The following GNAQ variants were observed in gnomAD, a reference collection of about 807,000 sequenced individuals.
The protein encoded by GNAQ is guanine nucleotide-binding protein G(q) subunit alpha.
Under a neutral mutation model 43.9 loss-of-function variants are expected in GNAQ, and 8 were observed. That is an observed-to-expected ratio of 0.18 (90% CI 0.11 to 0.33). GNAQ has a LOEUF of 0.33. Ranked by LOEUF, GNAQ falls within the 10% of genes least tolerant of loss-of-function variation. The pLI, the probability that GNAQ is intolerant of heterozygous loss-of-function variation, is 1.00. For missense variants in GNAQ, 158 were observed against 450.8 expected, an observed-to-expected ratio of 0.35 and a Z score of 5.88; for synonymous variants, 155 against 170.7, an observed-to-expected ratio of 0.91 and a Z score of 0.71.
chr9:77,786,429 T>C (rs183430275), intron 5 of GNAQ, among the ~76,000 whole-genome samples: 18 of 148,678 alleles, frequency 1.2e-4, no homozygotes, highest in African/African-American at 4.5e-4. Context: ...AACTAAGAGG[T>C]AGTGAAGAAT....
chr9:77,959,461 T>C (rs1344113531), intron 1 of GNAQ, among the ~76,000 whole-genome samples: 1 of 152,232 alleles, frequency 6.6e-6, no homozygotes, highest in East Asian at 1.9e-4. Flanking sequence ...CAAATAAATC[T>C]TTAAATAAAA....
intron 6 of GNAQ, among the ~76,000 whole-genome samples, chr9:77,727,734 C>T (rs571871046): frequency 2.6e-5 from 4 of 152,244 alleles, no homozygotes; most frequent in Middle Eastern, 6.8e-3. Flanking sequence ...TGAGTTTGGT[C>T]GTAAGGCCCA....
chr9:77,763,958 T>C (rs1826094629), intron 5 of GNAQ, among the ~76,000 whole-genome samples: 1 of 152,254 alleles, frequency 6.6e-6, no homozygotes, highest in African/African-American at 2.4e-5. Context: ...TTGTTTTGTT[T>C]TCTTCGAAGG....
chr9:78,017,259 G>A (rs1362473118), intron 1 of GNAQ, among the ~76,000 whole-genome samples: 2 of 152,106 alleles, frequency 1.3e-5, no homozygotes, highest in Admixed American at 6.5e-5. Flanking sequence ...ACCAAAGTTC[G>A]GTCACTAAAT....
At chr9:77,826,211 A>G (rs979862211) in intron 2 of GNAQ, among the ~76,000 whole-genome samples, 1 of 152,194 alleles carries the variant, frequency 6.6e-6, no homozygotes, top group South Asian at 2.1e-4. Context: ...AAACAATGCT[A>G]TGGCAAAGAA....
At chr9:77,726,301 G>GA (rs543645368) in intron 6 of GNAQ, among the ~76,000 whole-genome samples, 85 of 152,318 alleles carry the variant, frequency 5.6e-4, no homozygotes, top group Middle Eastern at 3.4e-3. Flanking sequence ...AAATGTACTT[G>GA]AAGAGAGGAT....
intron 1 of GNAQ, among the ~76,000 whole-genome samples, chr9:77,980,737 C>T (rs1391479290): frequency 1.3e-5 from 2 of 151,972 alleles, no homozygotes; most frequent in Non-Finnish European, 2.9e-5. Flanking sequence ...GTATGTGAAT[C>T]ACTTGATAGG....
intron 5 of GNAQ, among the ~76,000 whole-genome samples, chr9:77,764,530 A>T (rs1362667190): frequency 6.6e-6 from 1 of 151,020 alleles, no homozygotes; most frequent in African/African-American, 2.4e-5. Flanking sequence ...ATCTCAGCTC[A>T]CTGCAAGCTC....
chr9:77,743,893 A>C (rs1825692755), intron 5 of GNAQ, among the ~76,000 whole-genome samples: 1 of 152,242 alleles, frequency 6.6e-6, no homozygotes, highest in Non-Finnish European at 1.5e-5. Context: ...AAGTAGAAGG[A>C]ATTCTGGCAG....
chr9:77,897,942 GA>G (rs5898570), intron 2 of GNAQ, among the ~76,000 whole-genome samples: 78,314 of 124,492 alleles, frequency 0.63, 22,946 homozygotes, highest in South Asian at 0.69. Context: ...ACTTTCCCTG[GA>G]AAAAAAAAAA....
At chr9:77,985,160 A>G (rs1823419386) in intron 1 of GNAQ, among the ~76,000 whole-genome samples, 1 of 152,104 alleles carries the variant, frequency 6.6e-6, no homozygotes, top group South Asian at 2.1e-4. Context: ...AATACAAAAA[A>G]TTAGCCAGGC....
chr9:77,766,941 G>T (rs1284492542), intron 5 of GNAQ, among the ~76,000 whole-genome samples: 1 of 152,064 alleles, frequency 6.6e-6, no homozygotes, highest in Non-Finnish European at 1.5e-5. Flanking sequence ...CCTGTCCAGT[G>T]CTTTTTTCCC....
chr9:77,847,458 G>A (rs976437665), intron 2 of GNAQ, among the ~76,000 whole-genome samples: 1 of 152,158 alleles, frequency 6.6e-6, no homozygotes, highest in Non-Finnish European at 1.5e-5. Context: ...TAAAGACCAC[G>A]TCCTGTGGGC....
At chr9:77,736,937 A>G (rs1458614743) in intron 5 of GNAQ, among the ~76,000 whole-genome samples, 2 of 152,190 alleles carry the variant, frequency 1.3e-5, no homozygotes, top group Admixed American at 1.3e-4. Context: ...TGATCTATTT[A>G]CCAATTATCC....
At chr9:77,969,212 C>T (rs1823206379) in intron 1 of GNAQ, among the ~76,000 whole-genome samples, 1 of 152,176 alleles carries the variant, frequency 6.6e-6, no homozygotes, top group South Asian at 2.1e-4. Context: ...TCCCTCTGGC[C>T]TTTCCACCTG....
rs143110445 is a variant in GNAQ at position 77,853,636 on chromosome 9, T to A, written c.322-37866A>T. 2.6e-3 allele frequency among the ~76,000 whole-genome samples: 397 copies of A among 152,064 alleles called. 2 individuals are homozygous for A. Among genetic ancestry groups the A allele is most frequent in the African/African-American group, 9.1e-3 (379 of 41,472 alleles). On this transcript the variant is annotated intron_variant, in intron 2 of 6. Coordinates refer to ENST00000286548, the MANE Select transcript of GNAQ (RefSeq NM_002072.5). ...AACTCTGGGAAATCTTAACTGGCAG[T>A]GTGAAAAATAAACCTACAATATGCA...
chr9:77,990,972 T>C (rs1215187628), intron 1 of GNAQ, among the ~76,000 whole-genome samples: 1 of 152,202 alleles, frequency 6.6e-6, no homozygotes, highest in Non-Finnish European at 1.5e-5. Context: ...CAATGCCAAA[T>C]AAAATTCCCT....
At chr9:77,761,078 C>T (rs1289339150) in intron 5 of GNAQ, among the ~76,000 whole-genome samples, 1 of 151,998 alleles carries the variant, frequency 6.6e-6, no homozygotes, top group African/African-American at 2.4e-5. Context: ...AAGTGAGGAG[C>T]GTCTCTGCCC....
rs527512614 is a variant in GNAQ, at chr9:77,763,703, A to G, written c.735+30760T>C. ...CTGTGAATACGACTGAGCTGTACAA[A>G]CACAAAGTCAAAAATGTCCTGTCTG... On this transcript the variant is annotated intron_variant, in intron 5 of 6. Transcript: ENST00000286548. 8.1e-4 allele frequency among the ~76,000 whole-genome samples: 123 copies of G among 152,358 alleles called. 4 individuals are homozygous for G. The South Asian group carries it at 0.025, about 31-fold the overall frequency.
Sources: gnomAD v4.1 joint callset for allele counts (sites outside exome capture counted in the v4.1 genomes callset) on GRCh38, gnomAD v4.1.1 for gene constraint, MANE v1.5 for transcripts, NCBI Gene and HGNC (gene_info 2026-07-23, HGNC 2026-07-21) for gene names.